The following RAD51B variants were observed in gnomAD, a reference collection of about 807,000 sequenced individuals.
RAD51B encodes RAD51 paralog B.
RAD51B carries 38 observed loss-of-function variants against 42.2 expected under a neutral mutation model. The ratio of observed to expected loss-of-function variants is 0.90; its 90% CI spans 0.70 to 1.18. RAD51B has a LOEUF of 1.18. Ranked by LOEUF, RAD51B falls within the 50% of genes most tolerant of loss-of-function variation. The pLI is 0.00. For synonymous variants in RAD51B, 154 were observed against 145.2 expected, an observed-to-expected ratio of 1.06 and a Z score of -0.43; for missense variants, 373 against 400.7, an observed-to-expected ratio of 0.93 and a Z score of 0.59.
intron 9 of RAD51B, among the ~76,000 whole-genome samples, chr14:68,465,775 A>G (rs2085958264): frequency 6.6e-6 from 1 of 151,862 alleles, no homozygotes; most frequent in African/African-American, 2.4e-5. Flanking sequence ...CCCCGTCTCC[A>G]CTAAAAATAT....
chr14:68,388,239 G>A (rs1394343212), intron 8 of RAD51B, among the ~76,000 whole-genome samples: 5 of 151,884 alleles, frequency 3.3e-5, no homozygotes, highest in African/African-American at 7.2e-5. Flanking sequence ...GCTTGCAGGC[G>A]TGCATCATCA....
intron 7 of RAD51B, among the ~76,000 whole-genome samples, chr14:67,905,530 C>T (rs1355459344): frequency 6.6e-6 from 1 of 152,022 alleles, no homozygotes; most frequent in East Asian, 1.9e-4. Flanking sequence ...AATATTGATT[C>T]TTTCAATCCA....
chr14:68,536,137 C>A (rs562686723), intron 10 of RAD51B, among the ~76,000 whole-genome samples: 2 of 152,330 alleles, frequency 1.3e-5, no homozygotes, highest in African/African-American at 2.4e-5. Flanking sequence ...GATGAAACTC[C>A]TGACATCTCC....
chr14:68,180,992 G>A (rs2079052212), intron 7 of RAD51B, among the ~76,000 whole-genome samples: 1 of 152,142 alleles, frequency 6.6e-6, no homozygotes, highest in Non-Finnish European at 1.5e-5. Context: ...CAGAGGCATT[G>A]GTGTTTTGTA....
intron 10 of RAD51B, among the ~76,000 whole-genome samples, chr14:68,550,374 T>C (rs1888474765): frequency 6.6e-6 from 1 of 152,224 alleles, no homozygotes; most frequent in African/African-American, 2.4e-5. Context: ...AAAGATGCAT[T>C]GCAGCGAAAC....
chr14:68,239,257 C>T (rs965688643), intron 7 of RAD51B, among the ~76,000 whole-genome samples: 3 of 152,160 alleles, frequency 2.0e-5, no homozygotes, highest in Admixed American at 2.0e-4. Context: ...TGCTTATTCG[C>T]CCCTTCTCTG....
intron 4 of RAD51B, among the ~76,000 whole-genome samples, chr14:67,854,589 G>A (rs2041925511): frequency 6.6e-6 from 1 of 151,160 alleles, no homozygotes; most frequent in African/African-American, 2.4e-5. Flanking sequence ...AGCTGAGATT[G>A]CACTACTGCA....
At chr14:68,368,058 T>C (rs1459459745) in intron 8 of RAD51B, among the ~76,000 whole-genome samples, 1 of 152,244 alleles carries the variant, frequency 6.6e-6, no homozygotes, top group Non-Finnish European at 1.5e-5. Context: ...TGTTTATGTA[T>C]TGCTGAATCA....
intron 8 of RAD51B, among the ~76,000 whole-genome samples, chr14:68,388,695 G>T (rs1388504439): frequency 6.6e-6 from 1 of 152,100 alleles, no homozygotes. Context: ...AGGCGGTGAG[G>T]ATACAAAGTC....
chr14:67,956,552 A>T (rs2140219220), intron 7 of RAD51B, among the ~76,000 whole-genome samples: 1 of 152,330 alleles, frequency 6.6e-6, no homozygotes, highest in East Asian at 1.9e-4. Flanking sequence ...TAAGATGATG[A>T]TGAGCAAGAT....
intron 7 of RAD51B, among the ~76,000 whole-genome samples, chr14:68,134,762 T>C (rs2140695271): frequency 6.7e-6 from 1 of 150,174 alleles, no homozygotes; most frequent in East Asian, 1.9e-4. Flanking sequence ...TTGCTAATTT[T>C]CTAATTGGGT....
At chr14:68,068,211 T>C (rs1305446484) in intron 7 of RAD51B, among the ~76,000 whole-genome samples, 2 of 152,214 alleles carry the variant, frequency 1.3e-5, no homozygotes, top group African/African-American at 2.4e-5. Flanking sequence ...CCATCACCAA[T>C]ACCTAATTGT....
At position 68,477,722 on chromosome 14, in the gene RAD51B, A is replaced by C; in HGVS notation, c.*58A>C. ...GGTGTGATTTGTGAAATAAAACAGG[A>C]CCGTACTGCTTGGAAGAAGGAAACG... On this transcript the variant is annotated 3_prime_UTR_variant, in exon 11 of 11. Coordinates refer to ENST00000471583, the MANE Select transcript of RAD51B (RefSeq NM_133510.4). 1 of 1,597,416 alleles carries C rather than the reference A, an allele frequency of 6.3e-7. No homozygotes were observed. Among genetic ancestry groups the C allele is most frequent in the Non-Finnish European group, 8.5e-7 (1 of 1,175,516 alleles).
chr14:68,241,559 A>T (rs902168162), intron 7 of RAD51B, among the ~76,000 whole-genome samples: 2 of 152,200 alleles, frequency 1.3e-5, no homozygotes, highest in Middle Eastern at 3.2e-3. Context: ...AAAAAATAAA[A>T]AAAAATTGTC....
intron 7 of RAD51B, among the ~76,000 whole-genome samples, chr14:68,133,455 G>A (rs1465849594): frequency 6.6e-6 from 1 of 152,118 alleles, no homozygotes; most frequent in Admixed American, 6.5e-5. Flanking sequence ...TTCAAAGACA[G>A]TACTCTTAAA....
At chr14:68,261,430 G>A (rs1046080938) in intron 7 of RAD51B, among the ~76,000 whole-genome samples, 3 of 152,202 alleles carry the variant, frequency 2.0e-5, no homozygotes, top group Non-Finnish European at 2.9e-5. Context: ...GGGAGTTGAG[G>A]TGAAAGATAC....
intron 10 of RAD51B, among the ~76,000 whole-genome samples, chr14:68,551,344 C>G (rs1234243059): frequency 1.3e-5 from 2 of 152,218 alleles, no homozygotes; most frequent in Non-Finnish European, 2.9e-5. Flanking sequence ...CAAGTCGCGT[C>G]CCTCGCAGGT....
chr14:67,877,690 A>C (rs147877196), intron 5 of RAD51B, among the ~76,000 whole-genome samples: 77 of 152,342 alleles, frequency 5.1e-4, no homozygotes, highest in Non-Finnish European at 8.2e-4. Flanking sequence ...AATTTATTAG[A>C]GACGAGGTTT....
intron 7 of RAD51B, among the ~76,000 whole-genome samples, chr14:68,247,565 T>G (rs552027145): frequency 9.2e-5 from 14 of 152,224 alleles, no homozygotes; most frequent in Non-Finnish European, 1.8e-4. Context: ...TTCCCTGTAA[T>G]TTTAAGAACT....
Sources: allele counts gnomAD v4.1 joint callset (sites outside exome capture counted in the v4.1 genomes callset), GRCh38; gene constraint gnomAD v4.1.1; transcripts MANE v1.5; gene names NCBI Gene and HGNC (gene_info 2026-07-23, HGNC 2026-07-21).